SNX17: variants seen among roughly 807,000 people sequenced by gnomAD.
SNX17 encodes the protein sorting nexin-17.
A neutral mutation model predicts 64.3 loss-of-function variants in SNX17; 35 were observed. The ratio of observed to expected loss-of-function variants is 0.54; its 90% CI spans 0.42 to 0.72. SNX17 has a LOEUF of 0.72. Ranked by LOEUF, SNX17 falls within the 30% of genes least tolerant of loss-of-function variation. The pLI is 0.00. For missense variants in SNX17, 538 were observed against 610.0 expected (o/e 0.88, Z 1.24); for synonymous variants, 259 against 230.2 (o/e 1.13, Z -1.13).
In SNX17 at chr2:27,375,001, A is replaced by T; in HGVS notation, c.682-60A>T. ...TCAGGCTGGACAGAGGTAATGGTAG[A>T]CGCTTTCCTTGGATTGCTGACTGGG... On this transcript the variant is annotated intron_variant, in intron 8 of 14. Coordinates refer to ENST00000233575, the MANE Select transcript of SNX17 (RefSeq NM_014748.4). This position sits in a 1 kb window ranked among gnomAD's most constrained non-coding sequence, Gnocchi z 4.1. 6.8e-7 allele frequency: 1 copy of T among 1,480,752 alleles called. No individual in the cohort carries two copies. The highest frequency in any genetic ancestry group is 1.7e-5 in the Admixed American group (1 of 59,718). 91.7% of individuals were successfully genotyped at this position (1,480,752 alleles called of 1,614,324 possible). A position where few individuals can be genotyped will look rare whatever the true frequency, so the allele number is the denominator to read the frequency against.
chr2:27,370,977 G>C (rs1450806007), intron 1 of SNX17, among the ~76,000 whole-genome samples, 171 bp downstream of exon 1: 2 of 152,352 alleles, frequency 1.3e-5, no homozygotes, highest in African/African-American at 2.4e-5. Context: ...TCGTGCAGTG[G>C]TCGCCCGAGC....
rs1477963152 is a variant in SNX17 at position 27,370,663 on chromosome 2, C to A, written c.-81C>A. On this transcript the variant is annotated 5_prime_UTR_variant, in exon 1 of 15. Transcript: ENST00000233575. ...AATGGCGAGTGAGGCTGCGGGGACTCGCTGAGCAGCGGAGGGGGAGCGTGC... is the reference window on the plus strand; with the variant it reads ...AATGGCGAGTGAGGCTGCGGGGACTAGCTGAGCAGCGGAGGGGGAGCGTGC... 2.7e-6 allele frequency: 4 copies of A among 1,476,114 alleles called. No individual in the cohort carries two copies. The highest frequency in any genetic ancestry group is 1.4e-5 in the African/African-American group (1 of 70,772). 91.4% of individuals were successfully genotyped at this position (1,476,114 alleles called of 1,614,324 possible).
rs200159743 is a variant in SNX17, at chr2:27,374,066, C to A, written c.433-19C>A. On this transcript the variant is annotated intron_variant, in intron 5 of 14. Transcript: ENST00000233575. ...GAACCAGCCAGTATGATGAGCTGTACTTCTATCCCTATCCCCAGGCTGTAG... is the reference window on the plus strand; with the variant it reads ...GAACCAGCCAGTATGATGAGCTGTAATTCTATCCCTATCCCCAGGCTGTAG... 4.2e-5 allele frequency: 68 copies of A among 1,612,600 alleles called. No individual in the cohort carries two copies. The highest frequency in any genetic ancestry group is 5.8e-5 in the Non-Finnish European group (68 of 1,178,658).
In SNX17 at chr2:27,376,517, C is replaced by T. The variant is rs764793794; in HGVS notation, c.1296C>T (p.Leu432=). Residue 432 remains leucine, a synonymous_variant, in exon 14 of 15, where the codon CTC becomes CTT. Transcript: ENST00000233575. ...PDATRESMVK[L]SSKLSAVSLR... ...CCACCCGGGAGTCTATGGTCAAACT[C>T]TCAGTGAGTTCCAGCGTTGGTGAGG... 1.2e-6 allele frequency: 2 copies of T among 1,614,212 alleles called. No individual in the cohort carries two copies. The highest frequency in any genetic ancestry group is 1.7e-6 in the Non-Finnish European group (2 of 1,180,048).
In SNX17 at chr2:27,370,679, G is replaced by T; in HGVS notation, c.-65G>T. Reference sequence around the variant, plus strand: ...GCGGGGACTCGCTGAGCAGCGGAGGGGGAGCGTGCAGAGCCGCTGCGGCCC... The same window carrying T: ...GCGGGGACTCGCTGAGCAGCGGAGGTGGAGCGTGCAGAGCCGCTGCGGCCC... On this transcript the variant is annotated 5_prime_UTR_variant, in exon 1 of 15. Coordinates refer to ENST00000233575, the MANE Select transcript of SNX17 (RefSeq NM_014748.4). 6.7e-7 allele frequency: 1 copy of T among 1,496,706 alleles called. No homozygotes were observed. The allele number at this position is 1,496,706 out of a possible 1,614,324, so 92.7% of individuals were successfully genotyped here. A position where few individuals can be genotyped will look rare whatever the true frequency, so the allele number is the denominator to read the frequency against.
At chr2:27,374,526 G>A (rs767174678) in intron 7 of SNX17, 93 bp downstream of exon 7, 1 of 1,322,620 alleles carries the variant, frequency 7.6e-7, no homozygotes, top group Admixed American at 1.7e-5. Context: ...CTGGACAAGG[G>A]GGTGTAGTGC....
At chr2:27,376,033 A>G (rs1331603338) in intron 11 of SNX17, 62 bp downstream of exon 11, 11 of 1,613,860 alleles carry the variant, frequency 6.8e-6, no homozygotes, top group Non-Finnish European at 9.3e-6. Context: ...CCAGTACTCA[A>G]TATGGGAGGC....
At chr2:27,374,813 A>T in intron 8 of SNX17, 55 bp downstream of exon 8, 1 of 1,532,718 alleles carries the variant, frequency 6.5e-7, no homozygotes, top group Non-Finnish European at 9.0e-7. Context: ...CGGGTGACTC[A>T]CTCTCCCAAG....
At chr2:27,373,373 A>T (rs553471635) in intron 4 of SNX17, 62 bp downstream of exon 4, 3 of 1,562,404 alleles carry the variant, frequency 1.9e-6, no homozygotes, top group Non-Finnish European at 1.8e-6. Context: ...CATGTCTTTT[A>T]TTTTTTTGAG....
At chr2:27,376,062 A>T in intron 11 of SNX17, 44 bp from the exon 12 acceptor site, 2 of 1,613,928 alleles carry the variant, frequency 1.2e-6, no homozygotes, top group Non-Finnish European at 1.7e-6. Context: ...TGCTGGGCTC[A>T]GAGTGACCAC....
rs1683367053 is a variant in SNX17, at chr2:27,377,431, G to A, written c.*712G>A. On this transcript the variant is annotated 3_prime_UTR_variant, in exon 15 of 15. Coordinates refer to ENST00000233575, the MANE Select transcript of SNX17 (RefSeq NM_014748.4). The surrounding 1 kb of genome is among the most constrained non-coding windows in gnomAD (Gnocchi z 4.4). ...CCATATGGGCCCCCCCGCCCATGGG[G>A]TTGGGCTGGTCCTTATAGTGCCTAC... 1 of 1,189,990 alleles carries A rather than the reference G, an allele frequency of 8.4e-7. No homozygotes were observed. The highest frequency in any genetic ancestry group is 1.5e-5 in the African/African-American group (1 of 66,680). The allele number at this position is 1,189,990 out of a possible 1,614,324, so 73.7% of individuals were successfully genotyped here.
chr2:27,376,232 C>T (rs1479320866), intron 12 of SNX17, 49 bp downstream of exon 12: 1 of 1,613,262 alleles, frequency 6.2e-7, no homozygotes, highest in Admixed American at 1.7e-5. Context: ...CTCCCCTTGC[C>T]TTTTGTCCTA....
chr2:27,374,880 A>C, intron 8 of SNX17, 122 bp downstream of exon 8: 2 of 1,030,310 alleles, frequency 1.9e-6, no homozygotes, highest in Non-Finnish European at 3.0e-6. Flanking sequence ...GAATACTATC[A>C]GTGCTGCTGG....
intron 14 of SNX17, 43 bp downstream of exon 14, chr2:27,376,563 T>C: frequency 1.2e-6 from 2 of 1,614,094 alleles, no homozygotes; most frequent in Non-Finnish European, 1.7e-6. Flanking sequence ...TTGGGGGATC[T>C]TGCACGCCCA....
Position 27,375,872 on chromosome 2 carries a change from C to T in SNX17, c.1005C>T (p.Ser335=). The T allele has an allele frequency of 1.2e-6, 2 of 1,614,126 alleles. No individual in the cohort carries two copies. Among genetic ancestry groups the T allele is most frequent in the South Asian group, 2.2e-5 (2 of 91,074 alleles). ...SSVPLPSGST[S]SPGRGRGEVR... ...TACCATTGCCCAGTGGAAGCACGAG[C>T]AGCCCAGGCCGGGGCCGGGGTGAGG... The change falls in exon 11 of 15, where the codon AGC becomes AGT. Residue 335 remains serine, a synonymous_variant. Transcript: ENST00000233575. This position sits in a 1 kb window ranked among gnomAD's most constrained non-coding sequence, Gnocchi z 4.1.
rs376900793 is a variant in SNX17, at chr2:27,375,503, C to T, written c.775-3C>T. On this transcript the variant is annotated splice_polypyrimidine_tract_variant and splice_region_variant and intron_variant, in intron 9 of 14. Transcript: ENST00000233575. The surrounding 1 kb of genome is among the most constrained non-coding windows in gnomAD (Gnocchi z 4.1). The stretch of plus-strand genomic sequence containing the variant: ...CTACCCCCATGTGATGACCATTTTT[C>T]AGTTCCTGAGACTGGCCCAGACGCT... 1.2e-4 allele frequency: 201 copies of T among 1,614,038 alleles called. No homozygotes were observed. The highest frequency in any genetic ancestry group is 1.6e-4 in the Non-Finnish European group (191 of 1,180,018).
At position 27,371,214 on chromosome 2, in the gene SNX17, A is replaced by AG. The variant is rs1250587320; in HGVS notation, c.64-49dup. ...CAGGCAACTTCCGGCCAGGGTTCTC[A>AG]GGGGGGTTGCGCAGACCGCAACCCT... On this transcript the variant is annotated intron_variant, in intron 1 of 14. Transcript: ENST00000233575. 6 of 1,522,710 alleles carry AG rather than the reference A, an allele frequency of 3.9e-6. No individual in the cohort carries two copies. In the African/African-American group the frequency reaches 5.4e-5, roughly 14 times the overall value. The allele number at this position is 1,522,710 out of a possible 1,614,324, so 94.3% of individuals were successfully genotyped here. A position where few individuals can be genotyped will look rare whatever the true frequency, so the allele number is the denominator to read the frequency against.
At chr2:27,373,185 G>A (rs1682814768) in intron 3 of SNX17, 62 bp from the exon 4 acceptor site, 1 of 1,610,750 alleles carries the variant, frequency 6.2e-7, no homozygotes, top group African/African-American at 1.3e-5. Flanking sequence ...CTACTGAGAG[G>A]AGGACTGGGG....
At chr2:27,374,462 T>C in intron 7 of SNX17, 29 bp downstream of exon 7, 1 of 1,554,126 alleles carries the variant, frequency 6.4e-7, no homozygotes, top group Non-Finnish European at 8.9e-7. Context: ...AGGGGAGGGG[T>C]GGGAGGTGCT....
Sources: allele counts gnomAD v4.1 joint callset (sites outside exome capture counted in the v4.1 genomes callset), GRCh38; gene constraint gnomAD v4.1.1; non-coding constraint Gnocchi (gnomAD v3.1); transcripts MANE v1.5; gene names NCBI Gene and HGNC (gene_info 2026-07-23, HGNC 2026-07-21).